Variants in RABGAP1L observed in about 807,000 individuals in gnomAD.
The protein encoded by RABGAP1L is RAB GTPase activating protein 1 like, also known as rab GTPase-activating protein 1-like.
RABGAP1L carries 63 observed loss-of-function variants against 137.7 expected under a neutral mutation model. The observed-to-expected ratio is 0.46, with a 90% CI of 0.37 to 0.56. The LOEUF is 0.56. RABGAP1L is among the 20% of genes least tolerant of loss of function. The pLI is 0.00. For synonymous variants in RABGAP1L, 431 were observed against 433.7 expected (o/e 0.99, Z 0.08); for missense variants, 1,095 against 1,244.0 (o/e 0.88, Z 1.80).
intron 13 of RABGAP1L, among the ~76,000 whole-genome samples, chr1:174,416,019 C>CATATATAGATATATAT (rs1650525474): frequency 7.7e-6 from 1 of 129,050 alleles, no homozygotes; most frequent in Non-Finnish European, 1.5e-5. Flanking sequence ...AGAAAATTTA[C>CATATATAGATATATAT]ATATATATAT....
intron 8 of RABGAP1L, among the ~76,000 whole-genome samples, chr1:174,273,231 G>C (rs1461624741): frequency 6.6e-6 from 1 of 151,828 alleles, no homozygotes; most frequent in African/African-American, 2.4e-5. Flanking sequence ...TTACTAATTA[G>C]GTCAACTTTT....
intron 13 of RABGAP1L, among the ~76,000 whole-genome samples, chr1:174,577,792 A>G (rs1201795353): frequency 6.6e-6 from 1 of 152,202 alleles, no homozygotes; most frequent in Non-Finnish European, 1.5e-5. Context: ...AGGTAGCCCA[A>G]ATGTTGATGG....
chr1:174,638,088 A>AT (rs1674210280), intron 14 of RABGAP1L, among the ~76,000 whole-genome samples: 2 of 152,188 alleles, frequency 1.3e-5, no homozygotes, highest in African/African-American at 4.8e-5. Context: ...CAAGTTATTA[A>AT]TTTTATCAGA....
chr1:174,492,387 C>T (rs1286303188), intron 13 of RABGAP1L, among the ~76,000 whole-genome samples: 6 of 140,380 alleles, frequency 4.3e-5, no homozygotes, highest in African/African-American at 8.4e-5. Flanking sequence ...TCGCTCTTGT[C>T]GCCCAGGCTG....
At chr1:174,249,650 CT>C (rs758531270) in intron 5 of RABGAP1L, among the ~76,000 whole-genome samples, 2,191 of 124,274 alleles carry the variant, frequency 0.018, 17 homozygotes, top group Non-Finnish European at 0.027. Flanking sequence ...TTCTTTCTTT[CT>C]TTTTTTTTTT....
At position 174,647,558 on chromosome 1, in the gene RABGAP1L, G is replaced by A. The variant is rs377019968; in HGVS notation, c.1824+10070G>A. On this transcript the variant is annotated intron_variant, in intron 14 of 25. Coordinates refer to ENST00000681986, the MANE Select transcript of RABGAP1L (RefSeq NM_001366446.1). ...AGCCTTGCATCCCAGGGAAGAAGCC[G>A]AGTTGATCTTGGTGGATAAGCTTTT... Among the ~76,000 whole-genome samples, 4 of 151,982 alleles carry A rather than the reference G, an allele frequency of 2.6e-5. No individual in the cohort carries two copies. The South Asian group carries it at 6.2e-4, about 24-fold the overall frequency.
chr1:174,239,680 T>C (rs1331154223), intron 4 of RABGAP1L, among the ~76,000 whole-genome samples: 1 of 152,202 alleles, frequency 6.6e-6, no homozygotes, highest in African/African-American at 2.4e-5. Flanking sequence ...TTTCTTTATA[T>C]TTTTCCCTGC....
At chr1:174,606,599 G>A (rs1273632456) in intron 13 of RABGAP1L, among the ~76,000 whole-genome samples, 6 of 152,148 alleles carry the variant, frequency 3.9e-5, no homozygotes, top group Admixed American at 2.0e-4. Flanking sequence ...ATTCACTAGC[G>A]GGAATCTTTA....
At chr1:174,904,624 G>A (rs1481761972) in intron 19 of RABGAP1L, among the ~76,000 whole-genome samples, 1 of 152,038 alleles carries the variant, frequency 6.6e-6, no homozygotes, top group East Asian at 1.9e-4. Context: ...TCTATAGGAG[G>A]TACATTTCTT....
At chr1:174,773,883 A>C (rs910919183) in intron 18 of RABGAP1L, among the ~76,000 whole-genome samples, 2 of 152,222 alleles carry the variant, frequency 1.3e-5, no homozygotes, top group African/African-American at 4.8e-5. Context: ...GATCATAAGG[A>C]GCTATTATCA....
chr1:174,713,836 T>C (rs1238567045), intron 17 of RABGAP1L, among the ~76,000 whole-genome samples: 1 of 152,256 alleles, frequency 6.6e-6, no homozygotes, highest in Non-Finnish European at 1.5e-5. Context: ...TTATTCTTTC[T>C]CCAAGTCAGC....
At chr1:174,701,871 G>A (rs1397203629) in intron 16 of RABGAP1L, among the ~76,000 whole-genome samples, 1 of 152,162 alleles carries the variant, frequency 6.6e-6, no homozygotes, top group Non-Finnish European at 1.5e-5. Flanking sequence ...ACAGTCAAGT[G>A]AGCAAGAGAT....
intron 18 of RABGAP1L, among the ~76,000 whole-genome samples, chr1:174,765,496 A>G (rs1354149407): frequency 6.6e-6 from 1 of 152,026 alleles, no homozygotes; most frequent in Non-Finnish European, 1.5e-5. Context: ...ATGCAGTGGC[A>G]TAATCATGGC....
intron 19 of RABGAP1L, among the ~76,000 whole-genome samples, chr1:174,827,402 A>G (rs894379020): frequency 1.3e-5 from 2 of 152,178 alleles, no homozygotes; most frequent in African/African-American, 2.4e-5. Context: ...TAAAGGCCTT[A>G]TCTCCCAATA....
intron 1 of RABGAP1L, among the ~76,000 whole-genome samples, chr1:174,217,748 G>A (rs1669447709): frequency 2.0e-5 from 3 of 152,186 alleles, no homozygotes; most frequent in South Asian, 2.1e-4. Context: ...TAATTACACT[G>A]GTCCAGGAGT....
intron 19 of RABGAP1L, among the ~76,000 whole-genome samples, chr1:174,926,344 G>A (rs1477724498): frequency 1.3e-5 from 2 of 152,116 alleles, no homozygotes; most frequent in Admixed American, 1.3e-4. Flanking sequence ...TTGAATAGAA[G>A]TGTGTTACAT....
At chr1:174,236,010 T>C (rs1374007591) in intron 4 of RABGAP1L, among the ~76,000 whole-genome samples, 1 of 67,372 alleles carries the variant, frequency 1.5e-5, no homozygotes, top group Non-Finnish European at 2.5e-5. Context: ...AGTGTATGTG[T>C]CGAGGAATGT....
chr1:174,724,508 T>C (rs1444443119), intron 17 of RABGAP1L, among the ~76,000 whole-genome samples: 6 of 152,210 alleles, frequency 3.9e-5, no homozygotes, highest in African/African-American at 1.4e-4. Flanking sequence ...TGAGGCTTTG[T>C]CTTTTCTCTA....
intron 11 of RABGAP1L, among the ~76,000 whole-genome samples, chr1:174,362,860 T>C (rs541794906): frequency 6.6e-6 from 1 of 152,334 alleles, no homozygotes; most frequent in East Asian, 1.9e-4. Context: ...CATGAAATAT[T>C]TGTGCCGATG....
Sources: gnomAD v4.1 joint callset for allele counts (sites outside exome capture counted in the v4.1 genomes callset) on GRCh38, gnomAD v4.1.1 for gene constraint, MANE v1.5 for transcripts, NCBI Gene and HGNC (gene_info 2026-07-23, HGNC 2026-07-21) for gene names.